The following PDZRN4 variants were observed in gnomAD, a reference collection of about 807,000 sequenced individuals.
PDZRN4 encodes the protein PDZ domain containing ring finger 4.
PDZRN4 carries 70 observed loss-of-function variants against 99.0 expected under a neutral mutation model. The ratio of observed to expected loss-of-function variants is 0.71; its 90% confidence interval spans 0.58 to 0.86. PDZRN4 has a LOEUF of 0.86. Ranked by LOEUF, PDZRN4 falls within the 40% of genes least tolerant of loss-of-function variation. The pLI, the probability that PDZRN4 is intolerant of heterozygous loss-of-function variation, is 0.00. For synonymous variants in PDZRN4, 551 were observed against 501.6 expected, an observed-to-expected ratio of 1.10 and a Z score of -1.32; for missense variants, 1,474 against 1,331.2, an observed-to-expected ratio of 1.11 and a Z score of -1.67.
chr12:41,455,270 G>A (rs1952808789), intron 3 of PDZRN4, among the ~76,000 whole-genome samples: 1 of 152,276 alleles, frequency 6.6e-6, no homozygotes, highest in East Asian at 1.9e-4. Flanking sequence ...AGCCTACAAA[G>A]AGGAGGCTTA....
rs1487516354 is a variant in PDZRN4, at chr12:41,492,168, T to TTTTTAAGTTTTACACATTAAA, written c.844-14287_844-14267dup. On this transcript the variant is annotated intron_variant, in intron 3 of 9. Coordinates refer to ENST00000402685, the MANE Select transcript of PDZRN4 (RefSeq NM_001164595.2). ...ACAGCAATGGCAATATGATAGTTAA[T>TTTTTAAGTTTTACACATTAAA]TTTTAAGTTTTACACATTAAAACAT... Among the ~76,000 whole-genome samples the TTTTTAAGTTTTACACATTAAA allele has an allele frequency of 2.9e-3, 448 of 152,296 alleles. 11 individuals are homozygous for TTTTTAAGTTTTACACATTAAA. Among genetic ancestry groups the TTTTTAAGTTTTACACATTAAA allele is most frequent in the East Asian group, 1.2e-3 (6 of 5,182 alleles).
chr12:41,365,340 A>C (rs1592029353), intron 3 of PDZRN4, among the ~76,000 whole-genome samples: 1 of 152,228 alleles, frequency 6.6e-6, no homozygotes, highest in South Asian at 2.1e-4. Flanking sequence ...ACATGAGCAC[A>C]TACATTGGTT....
chr12:41,321,168 G>T (rs1951674862), intron 3 of PDZRN4, among the ~76,000 whole-genome samples: 1 of 152,094 alleles, frequency 6.6e-6, no homozygotes, highest in Admixed American at 6.6e-5. Flanking sequence ...TAAGGTGTCT[G>T]CTGTTTATGT....
chr12:41,402,779 T>C lies in PDZRN4; in HGVS notation c.844-103677T>C, dbSNP rs1952313530. On this transcript the variant is annotated intron_variant, in intron 3 of 9. Transcript: ENST00000402685. ...GGTAAAAAAAAGTTATTTTCTGTTT[T>C]GTATAAGAAAACAATCCAAAAGAAA... Among the ~76,000 whole-genome samples, 6 of 150,636 alleles carry C rather than the reference T, an allele frequency of 4.0e-5. No homozygotes were observed. The South Asian group carries it at 1.2e-3, about 31-fold the overall frequency.
chr12:41,254,211 A>G (rs1951189587), intron 3 of PDZRN4, among the ~76,000 whole-genome samples: 1 of 152,324 alleles, frequency 6.6e-6, no homozygotes, highest in African/African-American at 2.4e-5. Context: ...ATTTTCTTTT[A>G]TACTGTCAGA....
intron 3 of PDZRN4, among the ~76,000 whole-genome samples, chr12:41,243,344 G>T (rs758698196): frequency 6.6e-6 from 1 of 152,108 alleles, no homozygotes; most frequent in Non-Finnish European, 1.5e-5. Context: ...TTGGTTAATT[G>T]TTCTGGTATT....
rs34848026 is a variant in PDZRN4, at chr12:41,567,604, C to CTTTT, written c.1468-167_1468-164dup. 5.9e-3 allele frequency among the ~76,000 whole-genome samples: 851 copies of CTTTT among 144,378 alleles called. 15 individuals carry two copies. The highest frequency in any genetic ancestry group is 0.017 in the African/African-American group (673 of 39,166). 94.7% of individuals were successfully genotyped at this position (144,378 alleles called of 152,430 possible). ...GGAAAGGATAAAAGGCATAAGAGTC[C>CTTTT]TTTTTTTTTTTTTTTATCACCTTTT... On this transcript the variant is annotated intron_variant, in intron 8 of 9. Transcript: ENST00000402685.
chr12:41,567,697 C>T (rs191023997), intron 8 of PDZRN4, 86 bp from the exon 9 acceptor site: 10 of 628,476 alleles, frequency 1.6e-5, no homozygotes, highest in African/African-American at 7.6e-5. Flanking sequence ...AAAAGGAACT[C>T]GTCGGGCACC....
intron 7 of PDZRN4, among the ~76,000 whole-genome samples, chr12:41,563,162 G>T (rs957285695): frequency 5.3e-5 from 8 of 152,080 alleles, no homozygotes. Flanking sequence ...GCAGGATGAC[G>T]GATTTCAGTT....
At chr12:41,540,073 A>G (rs907164248) in intron 5 of PDZRN4, among the ~76,000 whole-genome samples, 3 of 152,248 alleles carry the variant, frequency 2.0e-5, no homozygotes, top group African/African-American at 7.2e-5. Context: ...AATTTGTGCT[A>G]TTAAATGAGT....
intron 3 of PDZRN4, among the ~76,000 whole-genome samples, chr12:41,411,067 A>ATATATATATATATAT (rs34064559): frequency 3.6e-5 from 5 of 140,434 alleles, no homozygotes; most frequent in African/African-American, 1.3e-4. Context: ...ATATATATAT[A>ATATATATATATATAT]TTTTTTTTTT....
At chr12:41,272,016 T>C (rs921165940) in intron 3 of PDZRN4, among the ~76,000 whole-genome samples, 1 of 151,918 alleles carries the variant, frequency 6.6e-6, no homozygotes, top group Non-Finnish European at 1.5e-5. Context: ...CTCTACTATA[T>C]AGAATATCTC....
intron 3 of PDZRN4, among the ~76,000 whole-genome samples, chr12:41,204,021 C>G (rs1384877924): frequency 6.6e-6 from 1 of 150,506 alleles, no homozygotes; most frequent in Non-Finnish European, 1.5e-5. Context: ...TCACAGTTGT[C>G]CATATATGAA....
At chr12:41,199,596 G>A (rs949523808) in intron 3 of PDZRN4, among the ~76,000 whole-genome samples, 14 of 152,232 alleles carry the variant, frequency 9.2e-5, no homozygotes, top group African/African-American at 2.2e-4. Context: ...GCAAAGTCAC[G>A]GAATCAACCT....
At chr12:41,249,791 A>G (rs1951156131) in intron 3 of PDZRN4, among the ~76,000 whole-genome samples, 1 of 152,108 alleles carries the variant, frequency 6.6e-6, no homozygotes, top group Non-Finnish European at 1.5e-5. Flanking sequence ...CTAAATTTCA[A>G]CTGTAGAAGC....
intron 3 of PDZRN4, among the ~76,000 whole-genome samples, chr12:41,490,573 T>C (rs1467418730): frequency 6.6e-6 from 1 of 152,070 alleles, no homozygotes; most frequent in Non-Finnish European, 1.5e-5. Context: ...TGTGCATATA[T>C]TATATATTAT....
At chr12:41,350,007 T>C (rs964765918) in intron 3 of PDZRN4, among the ~76,000 whole-genome samples, 2 of 152,048 alleles carry the variant, frequency 1.3e-5, no homozygotes, top group Non-Finnish European at 2.9e-5. Context: ...CTTTAGATTT[T>C]ATCCTATCTG....
At chr12:41,349,853 CAAAAAGGGCCT>C (rs1354019799) in intron 3 of PDZRN4, among the ~76,000 whole-genome samples, 687 of 58,612 alleles carry the variant, frequency 0.012, 13 homozygotes, top group Non-Finnish European at 0.011. Context: ...CTGCAGAAGT[CAAAAAGGGCCT>C]CATATAGGGA....
At chr12:41,305,713 A>G (rs1159734532) in intron 3 of PDZRN4, among the ~76,000 whole-genome samples, 3 of 152,092 alleles carry the variant, frequency 2.0e-5, no homozygotes, top group Non-Finnish European at 4.4e-5. Flanking sequence ...CAGCATACAC[A>G]TTTGTTTGTG....
Sources: allele counts gnomAD v4.1 joint callset (sites outside exome capture counted in the v4.1 genomes callset), GRCh38; gene constraint gnomAD v4.1.1; transcripts MANE v1.5; gene names NCBI Gene and HGNC (gene_info 2026-07-23, HGNC 2026-07-21).